SNX29: variants seen among roughly 807,000 people sequenced by gnomAD.
SNX29 encodes the protein sorting nexin-29.
SNX29 carries 78 observed loss-of-function variants against 102.1 expected under a neutral mutation model. The observed-to-expected ratio is 0.76, with a 90% CI of 0.64 to 0.92. SNX29 has a LOEUF of 0.92. Ranked by LOEUF, SNX29 falls within the 40% of genes least tolerant of loss-of-function variation. The pLI is 0.00. For synonymous variants in SNX29, 580 were observed against 414.5 expected (o/e 1.40, Z -4.85); for missense variants, 1,280 against 1,061.7 (o/e 1.21, Z -2.86).
intron 1 of SNX29, among the ~76,000 whole-genome samples, chr16:11,995,247 G>A (rs919333682): frequency 1.3e-5 from 2 of 152,106 alleles, no homozygotes; most frequent in Admixed American, 6.5e-5. Flanking sequence ...TGTATTTTTA[G>A]TAGAGACGGG....
chr16:12,549,509 G>A (rs1037420221), intron 20 of SNX29, among the ~76,000 whole-genome samples: 21 of 148,498 alleles, frequency 1.4e-4, no homozygotes, highest in Non-Finnish European at 3.0e-4. Flanking sequence ...AGATGTTCAT[G>A]CCATTTTTCA....
intron 11 of SNX29, chr16:12,089,778 C>G (rs576535716): frequency 9.0e-6 from 3 of 334,464 alleles, no homozygotes; most frequent in Non-Finnish European, 1.1e-5. Flanking sequence ...CTTCCTCTTG[C>G]GAAGAGCAGG....
intron 13 of SNX29, among the ~76,000 whole-genome samples, chr16:12,168,203 A>G (rs2076061617): frequency 6.6e-6 from 1 of 152,240 alleles, no homozygotes; most frequent in Admixed American, 6.5e-5. Context: ...GAGTGCTTGC[A>G]TGTCTATGCT....
At chr16:12,514,046 T>A (rs1339983092) in intron 19 of SNX29, among the ~76,000 whole-genome samples, 1 of 152,218 alleles carries the variant, frequency 6.6e-6, no homozygotes, top group African/African-American at 2.4e-5. Flanking sequence ...TTGCCGTGGA[T>A]TGCGGCTTGC....
chr16:12,406,075 T>A (rs1022657355), intron 18 of SNX29, among the ~76,000 whole-genome samples: 8 of 151,720 alleles, frequency 5.3e-5, no homozygotes, highest in Admixed American at 1.3e-4. Context: ...ACAAAAGATT[T>A]GACATAATTT....
intron 3 of SNX29, among the ~76,000 whole-genome samples, chr16:12,015,084 G>A (rs3844112): frequency 0.37 from 56,742 of 151,690 alleles, 12,019 homozygotes; most frequent in Non-Finnish European, 0.48. Context: ...TTTTCCATGC[G>A]TACACAATTA....
At chr16:12,544,901 A>T (rs1488992733) in intron 20 of SNX29, among the ~76,000 whole-genome samples, 1 of 152,212 alleles carries the variant, frequency 6.6e-6, no homozygotes, top group African/African-American at 2.4e-5. Flanking sequence ...TGGGCCAGTA[A>T]TCAATAGTCA....
intron 16 of SNX29, among the ~76,000 whole-genome samples, chr16:12,378,971 G>A (rs749106500): frequency 8.5e-5 from 13 of 152,048 alleles, no homozygotes; most frequent in Admixed American, 2.0e-4. Context: ...CAGTTACTAC[G>A]GCCAGAAGGA....
At chr16:12,262,012 T>A (rs1053111079) in intron 14 of SNX29, among the ~76,000 whole-genome samples, 3 of 145,958 alleles carry the variant, frequency 2.1e-5, no homozygotes, top group South Asian at 2.3e-4. Context: ...GGAGTGAGTG[T>A]TTGCTGAGCT....
At chr16:12,336,035 G>T (rs1221943575) in intron 15 of SNX29, among the ~76,000 whole-genome samples, 2 of 152,132 alleles carry the variant, frequency 1.3e-5, no homozygotes, top group African/African-American at 2.4e-5. Context: ...CCCAGCACTT[G>T]ATATCTTTAT....
chr16:12,524,191 T>A (rs1453299305), intron 19 of SNX29, among the ~76,000 whole-genome samples: 1 of 152,178 alleles, frequency 6.6e-6, no homozygotes, highest in Non-Finnish European at 1.5e-5. Context: ...AATTGTTTAT[T>A]AATAAAACCT....
intron 11 of SNX29, among the ~76,000 whole-genome samples, chr16:12,080,595 G>C (rs1206823176): frequency 6.6e-6 from 1 of 152,032 alleles, no homozygotes; most frequent in Non-Finnish European, 1.5e-5. Context: ...GTCCAGGCTG[G>C]TCTTGAACTC....
intron 8 of SNX29, among the ~76,000 whole-genome samples, chr16:12,053,513 A>C (rs1049707758): frequency 1.3e-5 from 2 of 152,118 alleles, no homozygotes; most frequent in Non-Finnish European, 2.9e-5. Flanking sequence ...TGGGCAACAC[A>C]GCAAGACTCT....
At chr16:12,524,119 C>T (rs1397776234) in intron 19 of SNX29, among the ~76,000 whole-genome samples, 1 of 152,160 alleles carries the variant, frequency 6.6e-6, no homozygotes, top group Admixed American at 6.5e-5. Context: ...CTCCCAGCCT[C>T]AGGTGATCCG....
chr16:12,105,227 C>T (rs12925273), intron 11 of SNX29, among the ~76,000 whole-genome samples: 53 of 105,730 alleles, frequency 5.0e-4, no homozygotes, highest in Non-Finnish European at 7.8e-4. Flanking sequence ...CTCCCTCCCT[C>T]CCTTCCTTCC....
chr16:12,405,283 T>C lies in SNX29; in HGVS notation c.2037+1754T>C, dbSNP rs183230511. 8.4e-3 allele frequency among the ~76,000 whole-genome samples: 1,281 copies of C among 152,334 alleles called. 8 individuals are homozygous for C. The highest frequency in any genetic ancestry group is 0.013 in the Non-Finnish European group (866 of 68,026). ...CCCCCTGTTTACCCCATGAAGCAAC[T>C]TGGCAATTTTTAGCTCCTGAAAGCT... On this transcript the variant is annotated intron_variant, in intron 18 of 20. Coordinates refer to ENST00000566228, the MANE Select transcript of SNX29 (RefSeq NM_032167.5).
rs146039270 is a variant in SNX29, at chr16:12,396,484, C to T, written c.1900-1962C>T. ...TGTGAGTCCCCCTCTGGTCTGCCCA[C>T]TTGATCCCCATAGCGTGCCCAGAAG... On this transcript the variant is annotated intron_variant, in intron 16 of 20. Coordinates refer to ENST00000566228, the MANE Select transcript of SNX29 (RefSeq NM_032167.5). Among the ~76,000 whole-genome samples, 26 of 152,300 alleles carry T rather than the reference C, an allele frequency of 1.7e-4. 1 individual carries two copies. The East Asian group carries it at 4.8e-3, about 28-fold the overall frequency.
intron 1 of SNX29, among the ~76,000 whole-genome samples, chr16:11,990,956 CTGT>C (rs984411408): frequency 2.6e-5 from 4 of 152,254 alleles, no homozygotes; most frequent in Admixed American, 1.3e-4. Context: ...TTATCTATGG[CTGT>C]TGTTCACACT....
chr16:12,557,037 A>C (rs1330620517), intron 20 of SNX29, among the ~76,000 whole-genome samples: 1 of 102,228 alleles, frequency 9.8e-6, no homozygotes. Flanking sequence ...CCCCAAGATG[A>C]GGTCTTGCTA....
Sources: gnomAD v4.1 joint callset for allele counts (sites outside exome capture counted in the v4.1 genomes callset) on GRCh38, gnomAD v4.1.1 for gene constraint, MANE v1.5 for transcripts, NCBI Gene and HGNC (gene_info 2026-07-23, HGNC 2026-07-21) for gene names.